The following CSMD1 variants were observed in gnomAD, a reference collection of about 807,000 sequenced individuals.
CSMD1 encodes the protein CUB and sushi domain-containing protein 1.
In CSMD1, 213 loss-of-function variants were observed where a neutral mutation model predicts 417.5. The observed-to-expected ratio is 0.51, with a 90% CI of 0.46 to 0.57. The LOEUF (loss-of-function observed/expected upper bound fraction) is 0.57, where lower values mean the gene tolerates loss of function less well. CSMD1 is among the 20% of genes least tolerant of loss of function. CSMD1 has a pLI of 0.00. For missense variants in CSMD1, 6,923 were observed against 4,529.7 expected (o/e 1.53, Z -15.17); for synonymous variants, 2,862 against 1,736.8 (o/e 1.65, Z -16.11).
chr8:4,168,196 T>C (rs1332467151), intron 3 of CSMD1, among the ~76,000 whole-genome samples: 1 of 151,660 alleles, frequency 6.6e-6, no homozygotes, highest in Non-Finnish European at 1.5e-5. Context: ...CACGTATGTA[T>C]GTATATATAC....
chr8:2,972,749 G>C (rs549760044), intron 57 of CSMD1, among the ~76,000 whole-genome samples: 37 of 152,188 alleles, frequency 2.4e-4, no homozygotes, highest in Non-Finnish European at 4.3e-4. Context: ...CTTCCAGCCT[G>C]CGGAAATTCC....
rs530684724 is a variant in CSMD1, at chr8:4,365,326, C to T, written c.415+54627G>A. 3.3e-5 allele frequency among the ~76,000 whole-genome samples: 5 copies of T among 152,284 alleles called. No individual in the cohort carries two copies. In the East Asian group the frequency reaches 9.6e-4, roughly 29 times the overall value. On this transcript the variant is annotated intron_variant, in intron 3 of 69. Transcript: ENST00000635120. The stretch of plus-strand genomic sequence containing the variant: ...ACACCTGATTCTGAAAACTGTACAA[C>T]TAATTGAAATGCTAAGATTATCAAA...
At chr8:3,397,842 G>A (rs757860885) in intron 16 of CSMD1, among the ~76,000 whole-genome samples, 1 of 152,100 alleles carries the variant, frequency 6.6e-6, no homozygotes, top group Non-Finnish European at 1.5e-5. Context: ...CACACCGCCT[G>A]GCAATACCAT....
intron 48 of CSMD1, among the ~76,000 whole-genome samples, chr8:3,089,761 T>TCG (rs1230398021): frequency 3.3e-5 from 5 of 151,856 alleles, no homozygotes; most frequent in Non-Finnish European, 7.4e-5. Flanking sequence ...TTTCTCTCTC[T>TCG]CTCTCCACTT....
At chr8:3,821,990 T>C (rs1199081275) in intron 5 of CSMD1, among the ~76,000 whole-genome samples, 1 of 152,176 alleles carries the variant, frequency 6.6e-6, no homozygotes. Context: ...TTCTTTGCTC[T>C]GGTTGTAATA....
Position 3,348,014 on chromosome 8 carries a change from AG to A in CSMD1, c.3451del (p.Leu1151CysfsTer7), listed in dbSNP as rs1808126550. The A allele has an allele frequency of 6.2e-7, 1 of 1,603,470 alleles. No individual in the cohort carries two copies. Among genetic ancestry groups the A allele is most frequent in the Admixed American group, 1.7e-5 (1 of 58,332 alleles). ...TACCTTTAGAGTATCTCCTTCAAAC[AG>A]CTGGAAGCTTCGTGTTCTAAGGTGG... ...GIHLRTRSFQ[L>X]FEGDTLKVYD... On this transcript the variant is annotated frameshift_variant, in exon 22 of 70. Coordinates refer to ENST00000635120, the MANE Select transcript of CSMD1 (RefSeq NM_033225.6). LOFTEE classifies it high-confidence loss of function.
intron 23 of CSMD1, among the ~76,000 whole-genome samples, chr8:3,325,562 G>A (rs1349401830): frequency 6.6e-6 from 1 of 152,190 alleles, no homozygotes; most frequent in Non-Finnish European, 1.5e-5. Context: ...GCTGGCTCAC[G>A]CCTGTAATCC....
chr8:4,072,479 A>T (rs1342083906), intron 3 of CSMD1, among the ~76,000 whole-genome samples: 5 of 152,168 alleles, frequency 3.3e-5, no homozygotes, highest in Admixed American at 6.5e-5. Flanking sequence ...ACTTGTAGTG[A>T]AGGGAATTGT....
At chr8:4,202,715 T>G (rs183227241) in intron 3 of CSMD1, among the ~76,000 whole-genome samples, 1 of 152,286 alleles carries the variant, frequency 6.6e-6, no homozygotes, top group Non-Finnish European at 1.5e-5. Context: ...ATCAAACAAG[T>G]ACTCAAATAT....
chr8:3,062,490 G>A (rs896077306), intron 49 of CSMD1, among the ~76,000 whole-genome samples: 1 of 151,654 alleles, frequency 6.6e-6, no homozygotes, highest in Non-Finnish European at 1.5e-5. Flanking sequence ...GTCCATAGAG[G>A]GAACTAATGA....
At chr8:3,378,640 A>G (rs1810456462) in intron 18 of CSMD1, among the ~76,000 whole-genome samples, 1 of 152,226 alleles carries the variant, frequency 6.6e-6, no homozygotes, top group South Asian at 2.1e-4. Flanking sequence ...AGAACCAATG[A>G]CAAAAACCAC....
intron 4 of CSMD1, among the ~76,000 whole-genome samples, chr8:4,026,848 TA>T (rs1269407517): frequency 1.3e-5 from 2 of 152,182 alleles, no homozygotes; most frequent in Non-Finnish European, 2.9e-5. Context: ...TGTGGCAGTG[TA>T]AAAACCTGAG....
At chr8:3,194,755 C>A (rs1368311356) in intron 33 of CSMD1, among the ~76,000 whole-genome samples, 3 of 151,864 alleles carry the variant, frequency 2.0e-5, no homozygotes, top group Non-Finnish European at 4.4e-5. Context: ...TAGGCATGAG[C>A]CACCATGACT....
rs1584947584 is a variant in CSMD1, at chr8:3,754,061, A to G, written c.819-19T>C. 1 of 1,522,160 alleles carries G rather than the reference A, an allele frequency of 6.6e-7. No individual in the cohort carries two copies. The highest frequency in any genetic ancestry group is 8.9e-7 in the Non-Finnish European group (1 of 1,124,688). 94.3% of individuals were successfully genotyped at this position (1,522,160 alleles called of 1,614,324 possible). Reference sequence around the variant, plus strand: ...AGTTAGCCTAGAGAAGAGAAAGAGGAAAAAAATCTCCCTTGTAAACCAACA... The same window carrying G: ...AGTTAGCCTAGAGAAGAGAAAGAGGGAAAAAATCTCCCTTGTAAACCAACA... On this transcript the variant is annotated intron_variant, in intron 5 of 69. Transcript: ENST00000635120.
intron 5 of CSMD1, among the ~76,000 whole-genome samples, chr8:3,943,730 T>C (rs901476739): frequency 1.6e-4 from 25 of 152,150 alleles, no homozygotes; most frequent in African/African-American, 5.5e-4. Flanking sequence ...CAAAAAAATA[T>C]GAATCACCTG....
At chr8:4,851,530 G>A (rs956581537) in intron 1 of CSMD1, among the ~76,000 whole-genome samples, 3 of 151,762 alleles carry the variant, frequency 2.0e-5, no homozygotes, top group Non-Finnish European at 4.4e-5. Flanking sequence ...ATTCTCCAGG[G>A]TTGAGGTAGT....
intron 5 of CSMD1, among the ~76,000 whole-genome samples, chr8:3,991,402 T>A (rs959464270): frequency 6.6e-6 from 1 of 152,214 alleles, no homozygotes; most frequent in African/African-American, 2.4e-5. Flanking sequence ...TAACCCTGTT[T>A]AGTCACATCT....
In CSMD1 at chr8:2,973,316, C is replaced by G. The variant is rs1020616986; in HGVS notation, c.8741-17G>C. 1.3e-5 allele frequency: 21 copies of G among 1,610,944 alleles called. No homozygotes were observed. The highest frequency in any genetic ancestry group is 1.7e-5 in the Non-Finnish European group (20 of 1,177,958). ...GATTATTTCCTATTGAAAACAAACA[C>G]ATACGGCAATCCACAATTGTGTTAG... On this transcript the variant is annotated splice_polypyrimidine_tract_variant and intron_variant, in intron 56 of 69. Transcript: ENST00000635120.
chr8:4,120,111 T>A (rs1029139433), intron 3 of CSMD1, among the ~76,000 whole-genome samples: 1 of 152,292 alleles, frequency 6.6e-6, no homozygotes, highest in East Asian at 1.9e-4. Flanking sequence ...GACACCCCAT[T>A]ATCCATGATG....
Sources: gnomAD v4.1 joint callset for allele counts (sites outside exome capture counted in the v4.1 genomes callset) on GRCh38, gnomAD v4.1.1 for gene constraint, MANE v1.5 for transcripts, NCBI Gene and HGNC (gene_info 2026-07-23, HGNC 2026-07-21) for gene names.